Variants in INPPL1 observed in about 807,000 individuals in gnomAD.
The protein encoded by INPPL1 is inositol polyphosphate phosphatase like 1.
In INPPL1, 91 loss-of-function variants were observed where a neutral mutation model predicts 139.3. That is an observed-to-expected ratio of 0.65 (90% confidence interval 0.55 to 0.78). The LOEUF (loss-of-function observed/expected upper bound fraction) is 0.78, where lower values mean the gene tolerates loss of function less well. INPPL1 is among the 30% of genes least tolerant of loss of function. The pLI, the probability that INPPL1 is intolerant of heterozygous loss-of-function variation, is 0.00. For synonymous variants in INPPL1, 719 were observed against 686.6 expected (o/e 1.05, Z -0.74); for missense variants, 1,411 against 1,665.6 (o/e 0.85, Z 2.66).
Position 72,228,158 on chromosome 11 carries a change from G to T in INPPL1, c.183-32G>T, listed in dbSNP as rs754831356. 4 of 1,613,166 alleles carry T rather than the reference G, an allele frequency of 2.5e-6. No individual in the cohort carries two copies. The highest frequency in any genetic ancestry group is 1.1e-5 in the South Asian group (1 of 91,034). ...TTTGGGTCTTAGACCCCAGCCTGGGGGTGACAGATTCTGGCCCTGCCTTGG... is the reference window on the plus strand; with the variant it reads ...TTTGGGTCTTAGACCCCAGCCTGGGTGTGACAGATTCTGGCCCTGCCTTGG... On this transcript the variant is annotated intron_variant, in intron 1 of 27. Coordinates refer to ENST00000298229, the MANE Select transcript of INPPL1 (RefSeq NM_001567.4). This position sits in a 1 kb window ranked among gnomAD's most constrained non-coding sequence, Gnocchi z 5.0.
Position 72,238,249 on chromosome 11 carries a change from GT to G in INPPL1, c.3687-10del. On this transcript the variant is annotated splice_polypyrimidine_tract_variant and intron_variant, in intron 27 of 27. Transcript: ENST00000298229. ...CCTTGCCCATCTCACTTCCCAGCCTGTTTTACTCCACAGTGACATCACCGAG... is the reference window on the plus strand; with the variant it reads ...CCTTGCCCATCTCACTTCCCAGCCTGTTTACTCCACAGTGACATCACCGAG... 1.2e-6 allele frequency: 2 copies of G among 1,613,674 alleles called. No homozygotes were observed. The highest frequency in any genetic ancestry group is 2.2e-5 in the East Asian group (1 of 44,826).
rs558681589 is a variant in INPPL1, at chr11:72,229,332, G to A, written c.659+102G>A. On this transcript the variant is annotated intron_variant, in intron 5 of 27. Transcript: ENST00000298229. ...GCCCTGATCTCTGATCCTGAACAGT[G>A]AACTAGCCATTGCCTCTTGACTTTC... 2.1e-6 allele frequency: 3 copies of A among 1,428,760 alleles called. No homozygotes were observed. In the Admixed American group the frequency reaches 5.4e-5, roughly 26 times the overall value. 88.5% of individuals were successfully genotyped at this position (1,428,760 alleles called of 1,614,324 possible).
At position 72,224,887 on chromosome 11, in the gene INPPL1, G is replaced by GCCCGGGC. The variant is rs1948622618; in HGVS notation, c.-88_-82dup. ...CTCTGTCCGGCCCACGGATCCTCAA[G>GCCCGGGC]CCCGGGCCCCGGGCCCGGCCCCAGC... On this transcript the variant is annotated 5_prime_UTR_variant, in exon 1 of 28. Coordinates refer to ENST00000298229, the MANE Select transcript of INPPL1 (RefSeq NM_001567.4). 4.6e-6 allele frequency: 4 copies of GCCCGGGC among 875,356 alleles called. No individual in the cohort carries two copies. The highest frequency in any genetic ancestry group is 5.6e-6 in the Non-Finnish European group (4 of 720,676). The allele number at this position is 875,356 out of a possible 1,614,324, so 54.2% of individuals were successfully genotyped here.
intron 1 of INPPL1, chr11:72,227,881 T>G (rs1591270327): frequency 2.3e-6 from 1 of 437,274 alleles, no homozygotes; most frequent in African/African-American, 2.0e-5. Context: ...AGAGGGGCTG[T>G]TTAGACAGCT....
chr11:72,235,045 G>A lies in INPPL1; in HGVS notation c.2416-71G>A. 1 of 1,245,062 alleles carries A rather than the reference G, an allele frequency of 8.0e-7. No individual in the cohort carries two copies. Among genetic ancestry groups the A allele is most frequent in the Admixed American group, 1.9e-5 (1 of 51,932 alleles). 77.1% of individuals were successfully genotyped at this position (1,245,062 alleles called of 1,614,324 possible). On this transcript the variant is annotated intron_variant, in intron 21 of 27. Transcript: ENST00000298229. The surrounding 1 kb of genome is among the most constrained non-coding windows in gnomAD (Gnocchi z 4.9). ...GAGGGTGGGGATTGAGTGGTGTCAG[G>A]GGGCAGCGCGTAGGAGGGGCAGGAG...
In INPPL1 at chr11:72,225,073, CCGCGGAGG is replaced by C; in HGVS notation, c.90_97del (p.Glu32AlafsTer40). The C allele has an allele frequency of 4.1e-6, 5 of 1,230,394 alleles. No homozygotes were observed. Among genetic ancestry groups the C allele is most frequent in the Non-Finnish European group, 5.1e-6 (5 of 987,138 alleles). 76.2% of individuals were successfully genotyped at this position (1,230,394 alleles called of 1,614,324 possible). On this transcript the variant is annotated frameshift_variant, in exon 1 of 28. Coordinates refer to ENST00000298229, the MANE Select transcript of INPPL1 (RefSeq NM_001567.4). LOFTEE classifies it high-confidence loss of function. ...TACCACCGCGACCTGAGCCGGGCGG[CCGCGGAGG>C]AGCTGCTGGCCCGGGCGGGCCGCGA...
Position 72,238,548 on chromosome 11 carries a change from T to C in INPPL1, c.*195T>C. 2.1e-6 allele frequency: 1 copy of C among 472,786 alleles called. No homozygotes were observed. The highest frequency in any genetic ancestry group is 3.7e-6 in the Non-Finnish European group (1 of 273,146). 29.3% of individuals were successfully genotyped at this position (472,786 alleles called of 1,614,324 possible). A position where few individuals can be genotyped will look rare whatever the true frequency, so the allele number is the denominator to read the frequency against. ...TGCCCTAATTAGGGCATCCTGCCCC[T>C]CGCCTTTTAGGCTCAGGACGGAAGG... is the stretch of plus-strand genomic sequence containing the variant. On this transcript the variant is annotated 3_prime_UTR_variant, in exon 28 of 28. Coordinates refer to ENST00000298229, the MANE Select transcript of INPPL1 (RefSeq NM_001567.4).
chr11:72,228,104 C>T lies in INPPL1; in HGVS notation c.183-86C>T. The T allele has an allele frequency of 6.9e-7, 1 of 1,442,770 alleles. No homozygotes were observed. The highest frequency in any genetic ancestry group is 9.7e-7 in the Non-Finnish European group (1 of 1,026,336). The allele number at this position is 1,442,770 out of a possible 1,614,324, so 89.4% of individuals were successfully genotyped here. On this transcript the variant is annotated intron_variant, in intron 1 of 27. Coordinates refer to ENST00000298229, the MANE Select transcript of INPPL1 (RefSeq NM_001567.4). This position sits in a 1 kb window ranked among gnomAD's most constrained non-coding sequence, Gnocchi z 5.0. ...AAACCAAGCTGAGGGGGTTGGGGTGCTGAGCTTGCTGGCAGGAGGAAGGGG... is the reference window on the plus strand; with the variant it reads ...AAACCAAGCTGAGGGGGTTGGGGTGTTGAGCTTGCTGGCAGGAGGAAGGGG...
Position 72,230,206 on chromosome 11 carries a change from G to A in INPPL1, c.1025G>A (p.Arg342Gln), listed in dbSNP as rs774794017. ...FTLSVDVEGG[R>Q]LVLLRRQRDS... is the part of the protein sequence containing the mutation. ...CTGAGCGTGGATGTGGAGGGTGGGC[G>A]GCTGGTGCTGCTGCGGAGACAGCGG... The change falls in exon 9 of 28, where the codon CGG becomes CAG. Residue 342 changes from arginine (R) to glutamine (Q), a missense_variant. By Grantham distance (43) the Arg-to-Gln change is conservative. Coordinates refer to ENST00000298229, the MANE Select transcript of INPPL1 (RefSeq NM_001567.4). The A allele has an allele frequency of 1.1e-5, 18 of 1,612,206 alleles. No homozygotes were observed. The highest frequency in any genetic ancestry group is 3.3e-5 in the South Asian group (3 of 90,846).
chr11:72,236,014 C>G (rs1403731966), intron 25 of INPPL1, 28 bp downstream of exon 25: 1 of 1,332,662 alleles, frequency 7.5e-7, no homozygotes, highest in Non-Finnish European at 1.0e-6. Context: ...TCACCGCCCC[C>G]CCTTCCCCCA....
At position 72,233,670 on chromosome 11, in the gene INPPL1, T is replaced by C; in HGVS notation, c.2138T>C (p.Ile713Thr). Residue 713 changes from isoleucine to threonine, a missense_variant, in exon 19 of 28, where the codon ATC becomes ACC. Physicochemically the swap from Ile to Thr is moderately conservative, Grantham distance 89. Transcript: ENST00000298229. ...CTCTCCCCAGGTTGCACTGATGACATCGTCACCAGCGACCATTCCCCCGTG... is the reference window on the plus strand; with the variant it reads ...CTCTCCCCAGGTTGCACTGATGACACCGTCACCAGCGACCATTCCCCCGTG... ...ICNSYGCTDD[I>T]VTSDHSPVFG... is the part of the protein sequence containing the mutation. 1 of 1,614,006 alleles carries C rather than the reference T, an allele frequency of 6.2e-7. No individual in the cohort carries two copies. The highest frequency in any genetic ancestry group is 8.5e-7 in the Non-Finnish European group (1 of 1,179,950).
chr11:72,238,232 A>T, intron 27 of INPPL1, 31 bp from the exon 28 acceptor site: 1 of 1,613,518 alleles, frequency 6.2e-7, no homozygotes, highest in Non-Finnish European at 8.5e-7. Context: ...CCCCTTGCCC[A>T]TCTCACTTCC....
intron 13 of INPPL1, among the ~76,000 whole-genome samples, chr11:72,232,013 G>C (rs1948847995): frequency 6.6e-6 from 1 of 152,074 alleles, no homozygotes; most frequent in Non-Finnish European, 1.5e-5. Flanking sequence ...CAGGGGCTCT[G>C]CTCACACATA....
At position 72,234,465 on chromosome 11, in the gene INPPL1, A is replaced by T; in HGVS notation, c.2327-62A>T. 1 of 1,587,418 alleles carries T rather than the reference A, an allele frequency of 6.3e-7. No individual in the cohort carries two copies. The highest frequency in any genetic ancestry group is 8.7e-7 in the Non-Finnish European group (1 of 1,155,800). On this transcript the variant is annotated intron_variant, in intron 20 of 27. Coordinates refer to ENST00000298229, the MANE Select transcript of INPPL1 (RefSeq NM_001567.4). This position sits in a 1 kb window ranked among gnomAD's most constrained non-coding sequence, Gnocchi z 4.2. ...GGCAAGAGGGTGCAGTCAGCCCCCT[A>T]CTTAGGGGGAAAGGAAGCTGAGAGG...
chr11:72,236,247 C>T (rs376712112), intron 25 of INPPL1, among the ~76,000 whole-genome samples: 1 of 152,202 alleles, frequency 6.6e-6, no homozygotes, highest in African/African-American at 2.4e-5. Flanking sequence ...AAGACAGCTC[C>T]CTCCATGTAA....
chr11:72,230,087 G>T, intron 8 of INPPL1, 34 bp from the exon 9 acceptor site: 2 of 1,612,332 alleles, frequency 1.2e-6, no homozygotes, highest in Non-Finnish European at 1.7e-6. Flanking sequence ...CCTACTCCAA[G>T]GTCTTGTCAG....
rs1948628587 is a variant in INPPL1, at chr11:72,225,034, A to G, written c.50A>G (p.Gln17Arg). The G allele has an allele frequency of 9.0e-6, 11 of 1,225,812 alleles. No individual in the cohort carries two copies. In the South Asian group the frequency reaches 4.1e-4, roughly 45 times the overall value. 75.9% of individuals were successfully genotyped at this position (1,225,812 alleles called of 1,614,324 possible). ...APGPGGALGS[Q>R]APSWYHRDLS... ...GGCCCGGGGGGCGCCCTGGGCAGCC[A>G]GGCCCCCTCCTGGTACCACCGCGAC... Residue 17 changes from glutamine (Q) to arginine (R), a missense_variant, in exon 1 of 28, where the codon CAG (glutamine) becomes CGG (arginine). Gln to Arg is a conservative substitution (Grantham distance 43, BLOSUM62 1). Coordinates refer to ENST00000298229, the MANE Select transcript of INPPL1 (RefSeq NM_001567.4).
Position 72,235,670 on chromosome 11 carries a change from C to T in INPPL1, c.2660-5C>T, listed in dbSNP as rs1299009630. ...TCCTCTGAGTCTCCCTTCCTGCCCC[C>T]TCAGAGTGGATCAGCATTGATAAGG... On this transcript the variant is annotated splice_polypyrimidine_tract_variant and splice_region_variant and intron_variant, in intron 23 of 27. Coordinates refer to ENST00000298229, the MANE Select transcript of INPPL1 (RefSeq NM_001567.4). The surrounding 1 kb of genome is among the most constrained non-coding windows in gnomAD (Gnocchi z 4.9). The T allele has an allele frequency of 2.5e-6, 4 of 1,613,954 alleles. No individual in the cohort carries two copies. The highest frequency in any genetic ancestry group is 1.7e-5 in the Admixed American group (1 of 59,996).
rs1199774963 is a variant in INPPL1 at position 72,238,540 on chromosome 11, C to CCGG, written c.*188_*189insGGC. 2.1e-6 allele frequency: 1 copy of CCGG among 485,560 alleles called. No homozygotes were observed. The highest frequency in any genetic ancestry group is 2.0e-5 in the African/African-American group (1 of 49,464). The allele number at this position is 485,560 out of a possible 1,614,324, so 30.1% of individuals were successfully genotyped here. A position where few individuals can be genotyped will look rare whatever the true frequency, so the allele number is the denominator to read the frequency against. On this transcript the variant is annotated 3_prime_UTR_variant, in exon 28 of 28. Coordinates refer to ENST00000298229, the MANE Select transcript of INPPL1 (RefSeq NM_001567.4). ...ATTTGCAATGCCCTAATTAGGGCAT[C>CCGG]CTGCCCCTCGCCTTTTAGGCTCAGG...
Sources: gnomAD v4.1 joint callset for allele counts (sites outside exome capture counted in the v4.1 genomes callset) on GRCh38, gnomAD v4.1.1 for gene constraint, Gnocchi (gnomAD v3.1) non-coding constraint, MANE v1.5 for transcripts, NCBI Gene and HGNC (gene_info 2026-07-23, HGNC 2026-07-21) for gene names.